RORA: variants seen among roughly 807,000 people sequenced by gnomAD.
The protein encoded by RORA is RAR related orphan receptor A.
A neutral mutation model predicts 69.5 loss-of-function variants in RORA; 7 were observed. That is an observed-to-expected ratio of 0.10 (90% confidence interval 0.06 to 0.19). RORA has a LOEUF of 0.19. RORA is among the 10% of genes least tolerant of loss of function. The pLI, the probability that RORA is intolerant of heterozygous loss-of-function variation, is 1.00. For synonymous variants in RORA, 261 were observed against 240.8 expected, an observed-to-expected ratio of 1.08 and a Z score of -0.78; for missense variants, 457 against 663.0, an observed-to-expected ratio of 0.69 and a Z score of 3.41.
At chr15:60,729,415 T>A (rs888908205) in intron 1 of RORA, among the ~76,000 whole-genome samples, 2 of 151,964 alleles carry the variant, frequency 1.3e-5, no homozygotes, top group African/African-American at 4.8e-5. Flanking sequence ...GACAACAGAG[T>A]CAGGAGTCCT....
intron 1 of RORA, among the ~76,000 whole-genome samples, chr15:60,963,435 C>A (rs1329886235): frequency 6.6e-6 from 1 of 152,034 alleles, no homozygotes; most frequent in African/African-American, 2.4e-5. Flanking sequence ...TGAAAAGGGC[C>A]AAGTCTGCAG....
intron 1 of RORA, among the ~76,000 whole-genome samples, chr15:60,959,295 T>C (rs928218823): frequency 6.6e-6 from 1 of 152,174 alleles, no homozygotes; most frequent in African/African-American, 2.4e-5. Context: ...CATTAAAAAA[T>C]CATTTTCCTG....
chr15:61,223,745 T>C (rs1395815661), intron 1 of RORA, among the ~76,000 whole-genome samples: 1 of 152,148 alleles, frequency 6.6e-6, no homozygotes, highest in Non-Finnish European at 1.5e-5. Context: ...AGAAAACGTA[T>C]TCAACAAGTA....
At chr15:60,941,853 A>G (rs11071572) in intron 1 of RORA, among the ~76,000 whole-genome samples, 38,804 of 152,000 alleles carry the variant, frequency 0.26, 5,372 homozygotes, top group Middle Eastern at 0.34. Context: ...AAAAGAAAAG[A>G]CGTGCAAACC....
At chr15:60,720,355 G>T (rs977107890) in intron 1 of RORA, among the ~76,000 whole-genome samples, 1 of 152,188 alleles carries the variant, frequency 6.6e-6, no homozygotes, top group African/African-American at 2.4e-5. Context: ...GGGTTGTAAA[G>T]TTTAATGCGA....
intron 2 of RORA, among the ~76,000 whole-genome samples, chr15:60,554,881 C>T (rs1432089169): frequency 6.6e-6 from 1 of 151,956 alleles, no homozygotes; most frequent in Non-Finnish European, 1.5e-5. Flanking sequence ...CCCACGCTCA[C>T]CCCCTGGTTT....
At chr15:60,833,349 G>A (rs996909779) in intron 1 of RORA, among the ~76,000 whole-genome samples, 1 of 152,060 alleles carries the variant, frequency 6.6e-6, no homozygotes, top group Admixed American at 6.6e-5. Flanking sequence ...CTCAGTAGCT[G>A]GGATTACAGG....
rs1555460959 is a variant in RORA at position 60,896,746 on chromosome 15, T to TTTC, written c.167-218061_167-218060insGAA. 4.3e-4 allele frequency among the ~76,000 whole-genome samples: 64 copies of TTTC among 148,314 alleles called. 1 individual carries two copies. Among genetic ancestry groups the TTTC allele is most frequent in the South Asian group, 8.6e-4 (4 of 4,674 alleles). Reference sequence around the variant, plus strand: ...GGAGAATTTAGCTTTTTTTTTTTTTTTTTTTGGCTGCATAGCCAAGGGAAT... The same window carrying TTTC: ...GGAGAATTTAGCTTTTTTTTTTTTTTTTCTTTTTGGCTGCATAGCCAAGGGAAT... On this transcript the variant is annotated intron_variant, in intron 1 of 10. Coordinates refer to ENST00000335670, the MANE Select transcript of RORA (RefSeq NM_134261.3).
intron 1 of RORA, chr15:60,848,978 A>G (rs1186642765): frequency 6.6e-6 from 1 of 152,224 alleles, no homozygotes; most frequent in Non-Finnish European, 1.5e-5. Context: ...ATACATTCAT[A>G]TTGTTCTAAG....
chr15:60,799,541 T>C (rs1430441800), intron 1 of RORA, among the ~76,000 whole-genome samples: 1 of 152,178 alleles, frequency 6.6e-6, no homozygotes, highest in Non-Finnish European at 1.5e-5. Flanking sequence ...GATCGATTCA[T>C]ATTTATTTAT....
intron 1 of RORA, among the ~76,000 whole-genome samples, chr15:61,185,734 T>G (rs775631255): frequency 2.0e-4 from 30 of 152,222 alleles, no homozygotes; most frequent in Non-Finnish European, 2.9e-4. Context: ...GCCTTAATTC[T>G]AGAACATCCC....
intron 10 of RORA, among the ~76,000 whole-genome samples, chr15:60,499,471 A>G (rs1338660489): frequency 1.3e-5 from 2 of 152,214 alleles, no homozygotes; most frequent in Non-Finnish European, 2.9e-5. Flanking sequence ...CCAGAAGTTC[A>G]GGGTTGCATA....
chr15:60,825,237 C>G (rs1437700832), intron 1 of RORA, among the ~76,000 whole-genome samples: 1 of 152,196 alleles, frequency 6.6e-6, no homozygotes, highest in Non-Finnish European at 1.5e-5. Context: ...ATCACTGCTT[C>G]TAGAACCACA....
At chr15:60,929,762 A>G (rs1892321823) in intron 1 of RORA, among the ~76,000 whole-genome samples, 1 of 152,124 alleles carries the variant, frequency 6.6e-6, no homozygotes. Context: ...CTGAAGTGTG[A>G]GTTTGCATAA....
chr15:61,017,622 AG>A (rs1253255535), intron 1 of RORA, among the ~76,000 whole-genome samples: 1 of 149,474 alleles, frequency 6.7e-6, no homozygotes, highest in Non-Finnish European at 1.5e-5. Context: ...AGCGTGGGGG[AG>A]GGGGTGTGGA....
chr15:60,909,875 T>A (rs1891654375), intron 1 of RORA, among the ~76,000 whole-genome samples: 2 of 152,228 alleles, frequency 1.3e-5, no homozygotes, highest in Admixed American at 1.3e-4. Context: ...TTTTTTTCCT[T>A]CTTTATTTCA....
At chr15:60,930,429 T>C (rs557385550) in intron 1 of RORA, among the ~76,000 whole-genome samples, 60 of 152,130 alleles carry the variant, frequency 3.9e-4, no homozygotes, top group African/African-American at 1.4e-3. Flanking sequence ...GGAGGCATCT[T>C]TGAGAATTAC....
At chr15:61,220,003 CTG>C (rs1778875624) in intron 1 of RORA, among the ~76,000 whole-genome samples, 1 of 152,236 alleles carries the variant, frequency 6.6e-6, no homozygotes, top group African/African-American at 2.4e-5. Context: ...ATCCTTCACA[CTG>C]TGAAATTTTA....
chr15:61,049,723 G>A (rs1897211772), intron 1 of RORA, among the ~76,000 whole-genome samples: 1 of 152,092 alleles, frequency 6.6e-6, no homozygotes, highest in Non-Finnish European at 1.5e-5. Flanking sequence ...GCAATGGCAT[G>A]ATCTCAGCTC....
Sources: gnomAD v4.1 joint callset for allele counts (sites outside exome capture counted in the v4.1 genomes callset) on GRCh38, gnomAD v4.1.1 for gene constraint, MANE v1.5 for transcripts, NCBI Gene and HGNC (gene_info 2026-07-23, HGNC 2026-07-21) for gene names.